The following TRIP12 variants were observed in gnomAD, a reference collection of about 807,000 sequenced individuals.
The protein encoded by TRIP12 is E3 ubiquitin-protein ligase TRIP12.
TRIP12 carries 25 observed loss-of-function variants against 244.2 expected under a neutral mutation model. The observed-to-expected ratio is 0.10, with a 90% CI of 0.07 to 0.14. The LOEUF is 0.14. Ranked by LOEUF, TRIP12 falls within the 10% of genes least tolerant of loss-of-function variation. The pLI, the probability that TRIP12 is intolerant of heterozygous loss-of-function variation, is 1.00. For missense variants in TRIP12, 1,677 were observed against 2,486.4 expected (o/e 0.67, Z 6.92); for synonymous variants, 905 against 873.1 (o/e 1.04, Z -0.64).
At chr2:229,898,815 C>A (rs2069706158) in intron 1 of TRIP12, among the ~76,000 whole-genome samples, 1 of 152,016 alleles carries the variant, frequency 6.6e-6, no homozygotes, top group African/African-American at 2.4e-5. Flanking sequence ...CCTCAGCCTC[C>A]CCAGTAGCTA....
intron 2 of TRIP12, among the ~76,000 whole-genome samples, chr2:229,867,961 A>C (rs2061871314): frequency 6.6e-6 from 1 of 152,188 alleles, no homozygotes; most frequent in Non-Finnish European, 1.5e-5. Flanking sequence ...CAACTACAGA[A>C]AAGTAGCCTC....
At chr2:229,845,866 GAA>G (rs35008566) in intron 4 of TRIP12, among the ~76,000 whole-genome samples, 15 of 150,124 alleles carry the variant, frequency 1.0e-4, no homozygotes, top group African/African-American at 2.7e-4. Flanking sequence ...AAATTACGAA[GAA>G]AAAAAAAAAT....
At chr2:229,904,645 T>C (rs1483566716) in intron 1 of TRIP12, among the ~76,000 whole-genome samples, 4 of 151,968 alleles carry the variant, frequency 2.6e-5, no homozygotes, top group Admixed American at 2.6e-4. Context: ...GGTGGCAAAA[T>C]TGGGGGTGAT....
intron 8 of TRIP12, among the ~76,000 whole-genome samples, chr2:229,825,581 G>C (rs559893277): frequency 1.3e-5 from 2 of 152,162 alleles, no homozygotes; most frequent in East Asian, 1.9e-4. Context: ...AAAAGAATGA[G>C]TGCCAACAGG....
chr2:229,896,436 G>A (rs1362108735), intron 1 of TRIP12, among the ~76,000 whole-genome samples: 2 of 151,802 alleles, frequency 1.3e-5, no homozygotes, highest in Non-Finnish European at 2.9e-5. Context: ...TCAGGAGCTC[G>A]GGACCAGCCT....
At chr2:229,799,914 G>A (rs1484980418) in intron 21 of TRIP12, among the ~76,000 whole-genome samples, 1 of 152,124 alleles carries the variant, frequency 6.6e-6, no homozygotes, top group Non-Finnish European at 1.5e-5. Flanking sequence ...TAACTATACT[G>A]AACTATGAAA....
intron 1 of TRIP12, among the ~76,000 whole-genome samples, chr2:229,906,016 T>C (rs1327021874): frequency 6.6e-6 from 1 of 152,068 alleles, no homozygotes; most frequent in African/African-American, 2.4e-5. Flanking sequence ...TAAAGAAACA[T>C]GTTCATGGCC....
intron 17 of TRIP12, among the ~76,000 whole-genome samples, chr2:229,806,659 A>C (rs2045966143): frequency 6.6e-6 from 1 of 152,200 alleles, no homozygotes; most frequent in Admixed American, 6.5e-5. Flanking sequence ...TGGCCTGCTT[A>C]TACACTGCTT....
rs773782305 is a variant in TRIP12, at chr2:229,785,734, C to A, written c.5094+23G>T. ...TAAGAGCACAAGTCAAGCTAAATAA[C>A]CATCACCAGACTCCAAGCTCACCTC... On this transcript the variant is annotated intron_variant, in intron 34 of 41. Coordinates refer to ENST00000675903, the MANE Select transcript of TRIP12 (RefSeq NM_001348323.3). 5.0e-6 allele frequency: 8 copies of A among 1,602,330 alleles called. 1 individual carries two copies. Among genetic ancestry groups the A allele is most frequent in the Middle Eastern group, 3.3e-4 (2 of 6,008 alleles).
chr2:229,860,280 GTTAC>G (rs2060251093), intron 3 of TRIP12, 122 bp downstream of exon 3: 1 of 1,229,702 alleles, frequency 8.1e-7, no homozygotes, highest in Non-Finnish European at 1.1e-6. Context: ...AATCCTAAAA[GTTAC>G]TTAGAGAATA....
intron 6 of TRIP12, 47 bp from the exon 7 acceptor site, chr2:229,830,886 C>G (rs1327078412): frequency 6.3e-7 from 1 of 1,581,992 alleles, no homozygotes; most frequent in South Asian, 1.1e-5. Flanking sequence ...CACTTAAACA[C>G]ATTATGTCTG....
chr2:229,803,975 T>C, intron 19 of TRIP12, 24 bp downstream of exon 19: 1 of 1,565,728 alleles, frequency 6.4e-7, no homozygotes, highest in East Asian at 2.2e-5. Context: ...TTGTAAAATG[T>C]TTCTACTATT....
chr2:229,888,020 C>A (rs1164564169), intron 1 of TRIP12, among the ~76,000 whole-genome samples: 3 of 152,150 alleles, frequency 2.0e-5, no homozygotes, highest in Non-Finnish European at 1.5e-5. Context: ...CCCAGTTCCC[C>A]AAATGCTCTT....
chr2:229,907,053 T>G (rs1240251670), intron 1 of TRIP12, among the ~76,000 whole-genome samples: 1 of 152,198 alleles, frequency 6.6e-6, no homozygotes, highest in Non-Finnish European at 1.5e-5. Context: ...TCCTTTCAAT[T>G]TTTAGATTCC....
chr2:229,910,322 T>C (rs1359871756), intron 1 of TRIP12, among the ~76,000 whole-genome samples: 2 of 152,244 alleles, frequency 1.3e-5, no homozygotes, highest in Admixed American at 6.5e-5. Context: ...TCTGTAATTA[T>C]GAATCACCTT....
At position 229,858,629 on chromosome 2, in the gene TRIP12, T is replaced by C. The variant is rs372573999; in HGVS notation, c.1027+143A>G. On this transcript the variant is annotated intron_variant, in intron 4 of 41. Coordinates refer to ENST00000675903, the MANE Select transcript of TRIP12 (RefSeq NM_001348323.3). ...TAGTAGCACTTACTACATGCTGTTA[T>C]GTACTTAATTACACAGACAGTAATA... 1.6e-4 allele frequency: 112 copies of C among 695,696 alleles called. No individual in the cohort carries two copies. The African/African-American group carries it at 1.6e-3, about 10-fold the overall frequency. The allele number at this position is 695,696 out of a possible 1,614,324, so 43.1% of individuals were successfully genotyped here.
In TRIP12 at chr2:229,802,428, T is replaced by G; in HGVS notation, c.3030A>C (p.Glu1010Asp). Residue 1010 changes from glutamate to aspartate, a missense_variant, in exon 21 of 42, where the codon GAA becomes GAC. Glu to Asp is a conservative substitution (Grantham distance 45, BLOSUM62 2). This residue lies in a region of TRIP12 where 572 missense variants were observed against 867.8 expected (regional missense o/e 0.66). Coordinates refer to ENST00000675903, the MANE Select transcript of TRIP12 (RefSeq NM_001348323.3). The part of the protein sequence containing the change: ...GVMHQVKHLA[E>D]SESLLTSPPK... Reference sequence around the variant, plus strand: ...GTGGACTTGTCAACAAAGACTCTGATTCTGCTAAGTGTTTTACTTGATGCA... The same window carrying G: ...GTGGACTTGTCAACAAAGACTCTGAGTCTGCTAAGTGTTTTACTTGATGCA... 2 of 1,613,890 alleles carry G rather than the reference T, an allele frequency of 1.2e-6. No homozygotes were observed. The highest frequency in any genetic ancestry group is 8.5e-7 in the Non-Finnish European group (1 of 1,179,892).
chr2:229,882,179 T>C lies in TRIP12; in HGVS notation c.-49-2051A>G, dbSNP rs769920693. 1.1e-4 allele frequency among the ~76,000 whole-genome samples: 17 copies of C among 152,300 alleles called. 1 individual carries two copies. The South Asian group carries it at 1.5e-3, about 13-fold the overall frequency. On this transcript the variant is annotated intron_variant, in intron 1 of 41. Transcript: ENST00000675903. Reference sequence around the variant, plus strand: ...CAAATGATAAATCCATGTAAACTACTCAATACAGTGCCAATCATGTAGCAA... The same window carrying C: ...CAAATGATAAATCCATGTAAACTACCCAATACAGTGCCAATCATGTAGCAA...
At chr2:229,782,395 C>G (rs2038511426) in intron 34 of TRIP12, among the ~76,000 whole-genome samples, 1 of 152,088 alleles carries the variant, frequency 6.6e-6, no homozygotes, top group African/African-American at 2.4e-5. Flanking sequence ...AATGGTTCCT[C>G]AATCTTCCTG....
Sources: allele counts gnomAD v4.1 joint callset (sites outside exome capture counted in the v4.1 genomes callset), GRCh38; gene constraint gnomAD v4.1.1; regional missense constraint gnomAD v4.1.1; transcripts MANE v1.5; gene names NCBI Gene and HGNC (gene_info 2026-07-23, HGNC 2026-07-21).